The following ADGRF5 variants were observed in gnomAD, a reference collection of about 807,000 sequenced individuals.
ADGRF5 encodes the protein adhesion G protein-coupled receptor F5, also known as G-protein coupled receptor 116.
ADGRF5 carries 75 observed loss-of-function variants against 132.3 expected under a neutral mutation model. The ratio of observed to expected loss-of-function variants is 0.57; its 90% confidence interval spans 0.47 to 0.69. ADGRF5 has a LOEUF of 0.69. Ranked by LOEUF, ADGRF5 falls within the 30% of genes least tolerant of loss-of-function variation. ADGRF5 has a pLI of 0.00. For missense variants in ADGRF5, 1,516 were observed against 1,630.6 expected, an observed-to-expected ratio of 0.93 and a Z score of 1.21; for synonymous variants, 629 against 597.6, an observed-to-expected ratio of 1.05 and a Z score of -0.77.
chr6:46,895,668 T>G (rs1774102872), intron 3 of ADGRF5, among the ~76,000 whole-genome samples: 1 of 150,356 alleles, frequency 6.7e-6, no homozygotes, highest in South Asian at 2.2e-4. Flanking sequence ...TTGCCTCTCC[T>G]CAGTTATTCC....
At chr6:46,883,448 A>C (rs566091588) in intron 6 of ADGRF5, 111 bp downstream of exon 6, 97 of 654,530 alleles carry the variant, frequency 1.5e-4, no homozygotes, top group African/African-American at 1.4e-3. Context: ...AGAATAATAA[A>C]TCCACATCCG....
chr6:46,902,645 G>A (rs905509187), intron 2 of ADGRF5, among the ~76,000 whole-genome samples: 8 of 152,218 alleles, frequency 5.3e-5, no homozygotes, highest in South Asian at 4.2e-4. Context: ...GAAGATTTCC[G>A]GAATCTTTAT....
chr6:46,943,914 G>C (rs938024318), intron 1 of ADGRF5, among the ~76,000 whole-genome samples: 3 of 152,202 alleles, frequency 2.0e-5, no homozygotes, highest in Non-Finnish European at 2.9e-5. Flanking sequence ...CGGGAAGAAT[G>C]TTCCTGCAAA....
At chr6:46,935,073 G>A (rs1315142725) in intron 1 of ADGRF5, among the ~76,000 whole-genome samples, 1 of 125,560 alleles carries the variant, frequency 8.0e-6, no homozygotes, top group Non-Finnish European at 1.6e-5. Context: ...GTGTGATCTT[G>A]GCTCACTGCA....
At chr6:46,914,877 A>T (rs939129909) in intron 1 of ADGRF5, among the ~76,000 whole-genome samples, 5 of 150,774 alleles carry the variant, frequency 3.3e-5, no homozygotes, top group African/African-American at 1.2e-4. Context: ...TTTTTTTGAG[A>T]CGGAATCTCA....
At chr6:46,906,210 C>T (rs899566321) in intron 2 of ADGRF5, among the ~76,000 whole-genome samples, 2 of 152,224 alleles carry the variant, frequency 1.3e-5, no homozygotes, top group African/African-American at 4.8e-5. Context: ...GACTGTCACA[C>T]ACACACAGAT....
At chr6:46,858,083 C>A (rs746283017) in intron 17 of ADGRF5, 46 bp downstream of exon 17, 148 of 1,390,336 alleles carry the variant, frequency 1.1e-4, no homozygotes, top group Admixed American at 1.8e-4. Context: ...TTAATTTGTC[C>A]TACAGGAATA....
At chr6:46,854,257 C>T (rs1479820242) in intron 20 of ADGRF5, among the ~76,000 whole-genome samples, 186 bp from the exon 21 acceptor site, 3 of 152,182 alleles carry the variant, frequency 2.0e-5, no homozygotes, top group Non-Finnish European at 4.4e-5. Context: ...ACAGAGCTGT[C>T]GTTCTCATGC....
intron 1 of ADGRF5, among the ~76,000 whole-genome samples, chr6:46,910,582 T>C (rs1021593868): frequency 6.6e-6 from 1 of 152,084 alleles, no homozygotes; most frequent in African/African-American, 2.4e-5. Context: ...GGATGATTAA[T>C]TCACTGAGGC....
chr6:46,858,194 T>C lies in ADGRF5; in HGVS notation c.3709A>G (p.Thr1237Ala), dbSNP rs1581719545. ...LLGLTWGFGL[T>A]TVFPGTNLVF... Reference sequence around the variant, plus strand: ...AGGTTGGTCCCTGGGAACACAGTGGTGAGACCAAAACCCCAAGTGAGGCCC... The same window carrying C: ...AGGTTGGTCCCTGGGAACACAGTGGCGAGACCAAAACCCCAAGTGAGGCCC... The change falls in exon 17 of 21, where the codon ACC becomes GCC. Residue 1237 changes from threonine (T) to alanine (A), a missense_variant. By Grantham distance (58) the Thr-to-Ala change is moderately conservative (BLOSUM62 0). Around this residue, in one of 2 missense-constraint regions of ADGRF5, gnomAD observed 571 missense variants for 701.2 expected, o/e 0.81. Transcript: ENST00000283296. 4 of 1,613,806 alleles carry C rather than the reference T, an allele frequency of 2.5e-6. No homozygotes were observed. In the African/African-American group the frequency reaches 4.0e-5, roughly 16 times the overall value.
chr6:46,871,948 A>C lies in ADGRF5; in HGVS notation c.1306T>G (p.Cys436Gly), dbSNP rs1771108955. Reference sequence around the variant, plus strand: ...GTTGTTCCAGACGACCCGCTTGGGCACTGGGTTCCATCAGCCTTGAGGGTG... The same window carrying C: ...GTTGTTCCAGACGACCCGCTTGGGCCCTGGGTTCCATCAGCCTTGAGGGTG... ...RYTLKADGTQCPSGSSGTTVI... is the reference protein window; with the variant it reads ...RYTLKADGTQGPSGSSGTTVI... Residue 436 changes from cysteine to glycine, a missense_variant, in exon 11 of 21, where the codon TGC (cysteine) becomes GGC (glycine). Transcript: ENST00000283296. 1.9e-6 allele frequency: 3 copies of C among 1,613,290 alleles called. No homozygotes were observed. The highest frequency in any genetic ancestry group is 1.7e-5 in the Admixed American group (1 of 59,980).
At chr6:46,906,917 A>G (rs1775436594) in intron 1 of ADGRF5, 131 bp from the exon 2 acceptor site, 3 of 639,746 alleles carry the variant, frequency 4.7e-6, no homozygotes, top group Admixed American at 2.8e-5. Flanking sequence ...AGGAAGGAGG[A>G]GCATGAAGGA....
chr6:46,872,120 G>A, intron 10 of ADGRF5, 107 bp from the exon 11 acceptor site: 1 of 735,036 alleles, frequency 1.4e-6, no homozygotes. Context: ...TATTTAAATA[G>A]ATTTCTTCTC....
intron 3 of ADGRF5, among the ~76,000 whole-genome samples, chr6:46,894,799 T>C (rs1774002332): frequency 6.6e-6 from 1 of 152,234 alleles, no homozygotes; most frequent in African/African-American, 2.4e-5. Context: ...GTGTCTGGCA[T>C]ATAGTTGCCA....
At position 46,929,378 on chromosome 6, in the gene ADGRF5, A is replaced by T. The variant is rs533417222; in HGVS notation, c.-24-22592T>A. ...GAGAGGGGAGGGATAGCATTAGGAG[A>T]TATACCTAATGCTAAATTACGAGTT... is the stretch of plus-strand genomic sequence containing the variant. On this transcript the variant is annotated intron_variant, in intron 1 of 20. Transcript: ENST00000265417. Among the ~76,000 whole-genome samples, 12 of 152,148 alleles carry T rather than the reference A, an allele frequency of 7.9e-5. No homozygotes were observed. In the East Asian group the frequency reaches 2.1e-3, roughly 27 times the overall value.
At chr6:46,893,089 A>C (rs1773826653) in intron 3 of ADGRF5, among the ~76,000 whole-genome samples, 1 of 61,772 alleles carries the variant, frequency 1.6e-5, no homozygotes, top group Non-Finnish European at 4.3e-5. Context: ...TTTTTTGTAG[A>C]ATGGTTACAA....
intron 10 of ADGRF5, among the ~76,000 whole-genome samples, chr6:46,877,276 T>TTTC (rs1771833235): frequency 4.7e-5 from 2 of 42,602 alleles, no homozygotes; most frequent in Non-Finnish European, 8.9e-5. Flanking sequence ...TCTTTCTTTC[T>TTTC]TTCTTTCTTT....
At chr6:46,930,709 C>T (rs1353948886) in intron 1 of ADGRF5, among the ~76,000 whole-genome samples, 2 of 152,198 alleles carry the variant, frequency 1.3e-5, no homozygotes, top group Non-Finnish European at 2.9e-5. Flanking sequence ...CTTCTCTCCT[C>T]AGTCTTAGCA....
intron 12 of ADGRF5, 133 bp from the exon 13 acceptor site, chr6:46,867,270 C>T (rs1770560194): frequency 1.7e-6 from 1 of 602,142 alleles, no homozygotes. Context: ...TTCCTGGACA[C>T]TGGAGGAAAA....
Sources: allele counts gnomAD v4.1 joint callset (sites outside exome capture counted in the v4.1 genomes callset), GRCh38; gene constraint gnomAD v4.1.1; regional missense constraint gnomAD v4.1.1; transcripts MANE v1.5; gene names NCBI Gene and HGNC (gene_info 2026-07-23, HGNC 2026-07-21).